The following PPFIA2 variants were observed in gnomAD, a reference collection of about 807,000 sequenced individuals.
PPFIA2 encodes liprin-alpha-2.
Under a neutral mutation model 175.5 loss-of-function variants are expected in PPFIA2, and 46 were observed. The ratio of observed to expected loss-of-function variants is 0.26; its 90% CI spans 0.21 to 0.34. The LOEUF (loss-of-function observed/expected upper bound fraction) is 0.34. PPFIA2 is among the 10% of genes least tolerant of loss of function. The pLI, the probability that PPFIA2 is intolerant of heterozygous loss-of-function variation, is 1.00. For synonymous variants in PPFIA2, 568 were observed against 511.4 expected, an observed-to-expected ratio of 1.11 and a Z score of -1.49; for missense variants, 1,179 against 1,506.1, an observed-to-expected ratio of 0.78 and a Z score of 3.60.
intron 4 of PPFIA2, among the ~76,000 whole-genome samples, chr12:81,515,512 T>C (rs2062318700): frequency 6.6e-6 from 1 of 152,064 alleles, no homozygotes; most frequent in South Asian, 2.1e-4. Context: ...CAATTTCTCT[T>C]TCTGACTTGG....
intron 8 of PPFIA2, among the ~76,000 whole-genome samples, chr12:81,391,909 G>A (rs1309381210): frequency 6.6e-6 from 1 of 151,884 alleles, no homozygotes; most frequent in Non-Finnish European, 1.5e-5. Context: ...ACTAAATAAA[G>A]CAAGAGGGTG....
chr12:81,592,906 C>T (rs1174742471), intron 4 of PPFIA2, among the ~76,000 whole-genome samples: 3 of 128,416 alleles, frequency 2.3e-5, no homozygotes, highest in Non-Finnish European at 5.4e-5. Context: ...CAGGTGTGTA[C>T]CACCATGCCC....
intron 4 of PPFIA2, among the ~76,000 whole-genome samples, chr12:81,507,515 T>C (rs2061308768): frequency 6.6e-6 from 1 of 152,198 alleles, no homozygotes; most frequent in Non-Finnish European, 1.5e-5. Flanking sequence ...GCTCTGTAGA[T>C]GTTATCAAGG....
chr12:81,541,355 C>T (rs1168153858), intron 4 of PPFIA2, among the ~76,000 whole-genome samples: 5 of 151,986 alleles, frequency 3.3e-5, no homozygotes, highest in Admixed American at 2.0e-4. Flanking sequence ...GGCTCCTCCT[C>T]AACAGCTGTC....
chr12:81,388,568 C>T lies in PPFIA2; in HGVS notation c.763-4324G>A, dbSNP rs75189761. 1.5e-3 allele frequency among the ~76,000 whole-genome samples: 227 copies of T among 152,036 alleles called. 4 individuals are homozygous for T. In the East Asian group the frequency reaches 0.028, roughly 19 times the overall value. Reference sequence around the variant, plus strand: ...TAAGGTTTATGGGGATGTTCTTTATCTTGATTTGGGTGTTTACGGAGGCAC... The same window carrying T: ...TAAGGTTTATGGGGATGTTCTTTATTTTGATTTGGGTGTTTACGGAGGCAC... On this transcript the variant is annotated intron_variant, in intron 8 of 32. Transcript: ENST00000549396.
chr12:81,565,143 C>T (rs767597765), intron 4 of PPFIA2, among the ~76,000 whole-genome samples: 2 of 152,146 alleles, frequency 1.3e-5, no homozygotes, highest in Non-Finnish European at 2.9e-5. Context: ...CATCCCCTCC[C>T]CGATCCATGC....
intron 3 of PPFIA2, among the ~76,000 whole-genome samples, chr12:81,679,090 G>T (rs369319546): frequency 1.3e-5 from 2 of 151,714 alleles, no homozygotes; most frequent in African/African-American, 4.8e-5. Flanking sequence ...CAAATCCAAA[G>T]ATAAAACATA....
At chr12:81,548,839 T>A (rs2067414405) in intron 4 of PPFIA2, among the ~76,000 whole-genome samples, 1 of 152,142 alleles carries the variant, frequency 6.6e-6, no homozygotes, top group African/African-American at 2.4e-5. Flanking sequence ...TAAGCAAATT[T>A]TATTTTGCAT....
intron 4 of PPFIA2, among the ~76,000 whole-genome samples, chr12:81,464,193 G>A (rs1286349342): frequency 1.3e-5 from 2 of 152,090 alleles, no homozygotes; most frequent in African/African-American, 4.8e-5. Flanking sequence ...AAAACACTGG[G>A]ATTACAGGTG....
chr12:81,717,392 C>A (rs2078769350), intron 3 of PPFIA2, among the ~76,000 whole-genome samples: 1 of 151,658 alleles, frequency 6.6e-6, no homozygotes, highest in Admixed American at 6.6e-5. Context: ...AGGCCTAAAT[C>A]ATCATAGAAC....
intron 22 of PPFIA2, among the ~76,000 whole-genome samples, chr12:81,300,993 TAATAC>T (rs1309863981): frequency 2.7e-5 from 4 of 146,072 alleles, no homozygotes; most frequent in African/African-American, 5.6e-5. Context: ...CAATACAATA[TAATAC>T]AATACATTAC....
intron 4 of PPFIA2, among the ~76,000 whole-genome samples, chr12:81,516,495 A>T (rs1219972465): frequency 6.6e-6 from 1 of 152,182 alleles, no homozygotes; most frequent in Non-Finnish European, 1.5e-5. Context: ...GGGTCTTTGC[A>T]GACGTTAAAA....
chr12:81,474,801 C>A (rs1428575375), intron 4 of PPFIA2, among the ~76,000 whole-genome samples: 1 of 152,088 alleles, frequency 6.6e-6, no homozygotes, highest in African/African-American at 2.4e-5. Context: ...GTTTAGCCTT[C>A]TTCTAATGAA....
chr12:81,585,898 T>C (rs1595302015), intron 4 of PPFIA2, among the ~76,000 whole-genome samples: 2 of 152,088 alleles, frequency 1.3e-5, no homozygotes, highest in Admixed American at 1.3e-4. Context: ...TAGGTTTGTT[T>C]ACACTAGCAT....
chr12:81,579,529 G>T (rs1301388566), intron 4 of PPFIA2, among the ~76,000 whole-genome samples: 1 of 151,686 alleles, frequency 6.6e-6, no homozygotes, highest in Non-Finnish European at 1.5e-5. Context: ...TAAGCTAAAG[G>T]TCATTATTAC....
At chr12:81,678,494 T>C (rs2073010398) in intron 3 of PPFIA2, among the ~76,000 whole-genome samples, 1 of 151,902 alleles carries the variant, frequency 6.6e-6, no homozygotes, top group Non-Finnish European at 1.5e-5. Flanking sequence ...GGGTAATGAA[T>C]TTATTCATGC....
intron 8 of PPFIA2, among the ~76,000 whole-genome samples, chr12:81,404,058 T>G (rs564437605): frequency 6.6e-6 from 1 of 152,144 alleles, no homozygotes; most frequent in East Asian, 1.9e-4. Flanking sequence ...AAAACAAGAA[T>G]TGAGGTTGCT....
At chr12:81,462,587 T>TAC (rs1262857469) in intron 4 of PPFIA2, among the ~76,000 whole-genome samples, 109 of 77,502 alleles carry the variant, frequency 1.4e-3, no homozygotes, top group Non-Finnish European at 1.9e-3. Flanking sequence ...TATATATACA[T>TAC]ATATATATAT....
At position 81,375,798 on chromosome 12, in the gene PPFIA2, G is replaced by C. The variant is rs772542150; in HGVS notation, c.1129C>G (p.Gln377Glu). 1.2e-6 allele frequency: 2 copies of C among 1,605,134 alleles called. No homozygotes were observed. The highest frequency in any genetic ancestry group is 1.7e-6 in the Non-Finnish European group (2 of 1,172,698). Reference sequence around the variant, plus strand: ...AAACCAAGACAGAGATACTGAACCTGCCGCAGGATAGCTTCTTTATTTGCT... The same window carrying C: ...AAACCAAGACAGAGATACTGAACCTCCCGCAGGATAGCTTCTTTATTTGCT... The part of the protein sequence containing the change: ...ELANKEAILR[Q>E]MEEKNRQLQE... Residue 377 changes from glutamine to glutamate, a missense_variant and splice_region_variant, in exon 10 of 33, where the codon CAG becomes GAG. By Grantham distance (29) the Gln-to-Glu change is conservative. Coordinates refer to ENST00000549396, the MANE Select transcript of PPFIA2 (RefSeq NM_003625.5).
Sources: gnomAD v4.1 joint callset for allele counts (sites outside exome capture counted in the v4.1 genomes callset) on GRCh38, gnomAD v4.1.1 for gene constraint, MANE v1.5 for transcripts, NCBI Gene and HGNC (gene_info 2026-07-23, HGNC 2026-07-21) for gene names.